The following NCALD variants were observed in gnomAD, a reference collection of about 807,000 sequenced individuals.
NCALD encodes neurocalcin-delta.
In NCALD, 10 loss-of-function variants were observed where a neutral mutation model predicts 18.6. The observed-to-expected ratio is 0.54, with a 90% CI of 0.33 to 0.91. The LOEUF (loss-of-function observed/expected upper bound fraction) is 0.91, where lower values mean the gene tolerates loss of function less well. Ranked by LOEUF, NCALD falls within the 40% of genes least tolerant of loss-of-function variation. The pLI is 0.03. For missense variants in NCALD, 184 were observed against 247.6 expected (o/e 0.74, Z 1.72); for synonymous variants, 88 against 87.4 (o/e 1.01, Z -0.04).
chr8:101,776,368 CTT>C (rs1326358810), intron 1 of NCALD, among the ~76,000 whole-genome samples: 1 of 152,144 alleles, frequency 6.6e-6, no homozygotes, highest in Non-Finnish European at 1.5e-5. Flanking sequence ...CAGGTACCTG[CTT>C]TGTGAATAGA....
chr8:101,935,629 A>C (rs559252941), intron 2 of NCALD, among the ~76,000 whole-genome samples: 2 of 152,270 alleles, frequency 1.3e-5, no homozygotes, highest in African/African-American at 4.8e-5. Context: ...GGGCCTTGAC[A>C]AAGTCTTTGG....
intron 2 of NCALD, among the ~76,000 whole-genome samples, chr8:101,922,168 G>A (rs1361472733): frequency 6.6e-6 from 1 of 151,134 alleles, no homozygotes; most frequent in Non-Finnish European, 1.5e-5. Context: ...AAAAAAAATG[G>A]TGTCTCTGGA....
intron 2 of NCALD, among the ~76,000 whole-genome samples, chr8:101,700,142 C>G (rs975440959): frequency 6.6e-6 from 1 of 151,810 alleles, no homozygotes; most frequent in Admixed American, 6.6e-5. Flanking sequence ...CTCACTGCAG[C>G]CTTGATCTCC....
At chr8:101,800,868 GGAGGAAAAAGGA>G in intron 4 of NCALD, among the ~76,000 whole-genome samples, 1 of 99,956 alleles carries the variant, frequency 1.0e-5, no homozygotes, top group East Asian at 3.6e-4. Flanking sequence ...GGAGAGGGGA[GGAGGAAAAAGGA>G]GAGGGGAGGG....
upstream of NCALD, among the ~76,000 whole-genome samples, chr8:101,792,175 AAAAT>A (rs1554633009): frequency 2.6e-5 from 4 of 152,168 alleles, no homozygotes; most frequent in African/African-American, 9.7e-5. Context: ...TCTGTTTCTT[AAAAT>A]AAATAAATAA....
chr8:102,067,373 C>G (rs1047335001), intron 1 of NCALD, among the ~76,000 whole-genome samples: 2 of 152,186 alleles, frequency 1.3e-5, no homozygotes, highest in African/African-American at 4.8e-5. Context: ...TACTCAAACA[C>G]TTAACCTTGC....
chr8:102,025,586 C>T (rs1238477354), intron 1 of NCALD, among the ~76,000 whole-genome samples: 1 of 152,248 alleles, frequency 6.6e-6, no homozygotes, highest in Non-Finnish European at 1.5e-5. Context: ...GAAAAGTCCA[C>T]TGCCTCCCTT....
chr8:102,014,723 C>A (rs1033451701), intron 2 of NCALD, among the ~76,000 whole-genome samples: 11 of 152,148 alleles, frequency 7.2e-5, no homozygotes, highest in African/African-American at 2.4e-4. Context: ...GTTTTCCTTA[C>A]AGTAGAGTTA....
At chr8:101,791,797 C>A (rs904990173), upstream of NCALD, among the ~76,000 whole-genome samples, 1 of 152,122 alleles carries the variant, frequency 6.6e-6, no homozygotes, top group African/African-American at 2.4e-5. Context: ...CTCATCCACA[C>A]CCCTTTGCTG....
At chr8:101,730,479 CAAAAAAA>C (rs869241027) in intron 1 of NCALD, among the ~76,000 whole-genome samples, 56 of 43,660 alleles carry the variant, frequency 1.3e-3, no homozygotes, top group East Asian at 4.8e-3. Flanking sequence ...GACTCCATCT[CAAAAAAA>C]AAAAAAAAAA....
chr8:102,060,188 A>G lies in NCALD; in HGVS notation c.-209-39899T>C, dbSNP rs139737136. Among the ~76,000 whole-genome samples, 731 of 151,256 alleles carry G rather than the reference A, an allele frequency of 4.8e-3. 4 individuals carry two copies. The highest frequency in any genetic ancestry group is 0.015 in the African/African-American group (603 of 40,706). On this transcript the variant is annotated intron_variant, in intron 1 of 6. Coordinates refer to the NCALD transcript ENST00000311028. ...GGTACAGACAGGGTTTCACTGTGTT[A>G]GCCAGGATGGTCTTGATCTCCTGAC...
intron 1 of NCALD, among the ~76,000 whole-genome samples, chr8:102,023,335 G>T (rs1364925162): frequency 2.7e-5 from 2 of 75,080 alleles, no homozygotes; most frequent in African/African-American, 1.5e-4. Flanking sequence ...GAATAGAGAG[G>T]AATCACACTG....
At chr8:101,894,553 A>C (rs956898849) in intron 3 of NCALD, among the ~76,000 whole-genome samples, 6 of 145,180 alleles carry the variant, frequency 4.1e-5, no homozygotes, top group African/African-American at 1.1e-4. Flanking sequence ...AAAACCCTTC[A>C]AAAAATCAAG....
intron 1 of NCALD, among the ~76,000 whole-genome samples, chr8:101,751,982 T>C (rs1041345216): frequency 2.6e-5 from 4 of 152,226 alleles, no homozygotes; most frequent in Non-Finnish European, 4.4e-5. Flanking sequence ...CCCCAAACAA[T>C]GGCATGTTTT....
intron 2 of NCALD, among the ~76,000 whole-genome samples, chr8:101,979,298 G>A (rs779184555): frequency 9.9e-5 from 15 of 152,024 alleles, no homozygotes; most frequent in Middle Eastern, 3.4e-3. Context: ...AAAGTATGGC[G>A]AAGAATGCAT....
intron 2 of NCALD, among the ~76,000 whole-genome samples, chr8:102,005,871 C>T (rs535765831): frequency 8.6e-6 from 1 of 116,268 alleles, no homozygotes; most frequent in African/African-American, 3.4e-5. Flanking sequence ...CACACTGGGG[C>T]CTGTTGTGGG....
chr8:101,925,344 G>A (rs941205839), intron 2 of NCALD, among the ~76,000 whole-genome samples: 1 of 151,970 alleles, frequency 6.6e-6, no homozygotes, highest in Admixed American at 6.6e-5. Context: ...CAAGAGGCAG[G>A]GGTAGGGTAC....
At chr8:101,894,122 C>T (rs1266080425) in intron 3 of NCALD, among the ~76,000 whole-genome samples, 1 of 143,984 alleles carries the variant, frequency 6.9e-6, no homozygotes, top group Non-Finnish European at 1.5e-5. Context: ...GTAAAGCTCT[C>T]CTCAGCAAAT....
At chr8:102,018,941 C>A (rs1022332144) in intron 2 of NCALD, among the ~76,000 whole-genome samples, 1 of 151,772 alleles carries the variant, frequency 6.6e-6, no homozygotes, top group Non-Finnish European at 1.5e-5. Context: ...AACTTCTGTT[C>A]ATAAAAAAGA....
Sources: allele counts gnomAD v4.1 joint callset (sites outside exome capture counted in the v4.1 genomes callset), GRCh38; gene constraint gnomAD v4.1.1; transcripts MANE v1.5; gene names NCBI Gene and HGNC (gene_info 2026-07-23, HGNC 2026-07-21).